LSAMP: variants seen among roughly 807,000 people sequenced by gnomAD.
LSAMP encodes the protein limbic system-associated membrane protein.
LSAMP carries 7 observed loss-of-function variants against 38.6 expected under a neutral mutation model. The ratio of observed to expected loss-of-function variants is 0.18; its 90% CI spans 0.10 to 0.34. The LOEUF (loss-of-function observed/expected upper bound fraction) is 0.34. LSAMP is among the 10% of genes least tolerant of loss of function. LSAMP has a pLI of 1.00. For missense variants in LSAMP, 313 were observed against 420.0 expected (o/e 0.75, Z 2.23); for synonymous variants, 154 against 166.8 (o/e 0.92, Z 0.59).
intron 1 of LSAMP, among the ~76,000 whole-genome samples, chr3:116,271,369 T>C (rs1010823984): frequency 2.6e-5 from 4 of 152,092 alleles, no homozygotes; most frequent in Admixed American, 2.6e-4. Flanking sequence ...CCTCAGCAAA[T>C]TGTATTTTAT....
chr3:116,414,123 T>G (rs1167977352), intron 1 of LSAMP, among the ~76,000 whole-genome samples: 2 of 152,096 alleles, frequency 1.3e-5, no homozygotes, highest in Non-Finnish European at 1.5e-5. Context: ...TTGTACACTG[T>G]CAGATCATTA....
At chr3:116,201,375 T>A (rs896842482) in intron 1 of LSAMP, among the ~76,000 whole-genome samples, 4 of 152,184 alleles carry the variant, frequency 2.6e-5, no homozygotes, top group African/African-American at 9.6e-5. Context: ...AGGGACAGTG[T>A]CTTAGTCACC....
intron 3 of LSAMP, among the ~76,000 whole-genome samples, chr3:115,980,787 C>G (rs1443138580): frequency 1.3e-5 from 2 of 152,184 alleles, no homozygotes; most frequent in Admixed American, 1.3e-4. Flanking sequence ...ATCTCCTAAT[C>G]TAGTCATCTC....
chr3:116,244,232 C>T (rs1254009498), intron 1 of LSAMP, among the ~76,000 whole-genome samples: 2 of 152,166 alleles, frequency 1.3e-5, no homozygotes, highest in East Asian at 1.9e-4. Context: ...TCAACTTCTC[C>T]AGCAATTGGT....
chr3:116,072,071 G>A (rs1319746986), intron 2 of LSAMP, among the ~76,000 whole-genome samples: 1 of 151,186 alleles, frequency 6.6e-6, no homozygotes. Flanking sequence ...TGCCTCCCGG[G>A]TTCATGCCAT....
intron 1 of LSAMP, among the ~76,000 whole-genome samples, chr3:116,321,951 T>G (rs1408962177): frequency 6.6e-6 from 1 of 152,178 alleles, no homozygotes; most frequent in Admixed American, 6.5e-5. Context: ...ATTTCATATG[T>G]GAAATAATAA....
chr3:116,419,956 A>G (rs896834346), intron 1 of LSAMP, among the ~76,000 whole-genome samples: 1 of 152,254 alleles, frequency 6.6e-6, no homozygotes, highest in Non-Finnish European at 1.5e-5. Context: ...TTTTGTTCCT[A>G]TAACATCTAA....
chr3:116,109,875 T>A (rs1289758220), intron 1 of LSAMP, among the ~76,000 whole-genome samples: 2 of 133,512 alleles, frequency 1.5e-5, no homozygotes, highest in African/African-American at 5.7e-5. Flanking sequence ...GGAAGGGGGG[T>A]CGGGGCATGG....
At chr3:116,026,492 C>A (rs1246599184) in intron 2 of LSAMP, among the ~76,000 whole-genome samples, 1 of 152,132 alleles carries the variant, frequency 6.6e-6, no homozygotes, top group African/African-American at 2.4e-5. Flanking sequence ...AGAATCCATG[C>A]CTCTTTCTTC....
intron 2 of LSAMP, among the ~76,000 whole-genome samples, chr3:116,055,632 G>A (rs1941477546): frequency 6.6e-6 from 1 of 152,122 alleles, no homozygotes; most frequent in Non-Finnish European, 1.5e-5. Context: ...AGGCTCTTTG[G>A]AACTCATTGC....
intron 1 of LSAMP, among the ~76,000 whole-genome samples, chr3:116,372,441 T>G (rs936130282): frequency 6.6e-6 from 1 of 151,870 alleles, no homozygotes; most frequent in Non-Finnish European, 1.5e-5. Context: ...GACCTAAATG[T>G]GAGATGTGAA....
chr3:116,179,344 C>T (rs1025067315), intron 1 of LSAMP, among the ~76,000 whole-genome samples: 6 of 152,044 alleles, frequency 3.9e-5, no homozygotes, highest in Admixed American at 3.9e-4. Flanking sequence ...CTCAAGCACT[C>T]CCCATTGGAG....
intron 1 of LSAMP, among the ~76,000 whole-genome samples, chr3:116,305,781 GA>G (rs1332717779): frequency 1.3e-5 from 2 of 151,278 alleles, no homozygotes; most frequent in African/African-American, 2.4e-5. Flanking sequence ...GAAGATAATA[GA>G]AAAAAAAGGA....
intron 1 of LSAMP, among the ~76,000 whole-genome samples, chr3:116,319,430 C>T (rs1167811014): frequency 6.6e-6 from 1 of 152,142 alleles, no homozygotes; most frequent in Non-Finnish European, 1.5e-5. Flanking sequence ...AAATCAGCAC[C>T]ATCAGCATTC....
intron 4 of LSAMP, among the ~76,000 whole-genome samples, chr3:115,847,622 G>C (rs377217713): frequency 7.2e-5 from 11 of 152,162 alleles, no homozygotes; most frequent in East Asian, 1.9e-4. Flanking sequence ...TGCTGTTCTC[G>C]TGATAGTGAA....
At chr3:116,109,059 G>A (rs1708536395) in intron 1 of LSAMP, among the ~76,000 whole-genome samples, 1 of 152,162 alleles carries the variant, frequency 6.6e-6, no homozygotes, top group Admixed American at 6.5e-5. Context: ...ACCTTTTAGG[G>A]TCTAGGGCTG....
intron 1 of LSAMP, among the ~76,000 whole-genome samples, chr3:116,327,388 A>G (rs1184583837): frequency 6.6e-6 from 1 of 152,006 alleles, no homozygotes; most frequent in African/African-American, 2.4e-5. Flanking sequence ...CTTATTCTCT[A>G]TGTACGGAAT....
At position 116,059,367 on chromosome 3, in the gene LSAMP, G is replaced by A. The variant is rs774185818; in HGVS notation, c.388+26957C>T. Among the ~76,000 whole-genome samples the A allele has an allele frequency of 6.6e-4, 100 of 152,136 alleles. 1 individual carries two copies. The highest frequency in any genetic ancestry group is 1.6e-4 in the Non-Finnish European group (11 of 68,028). On this transcript the variant is annotated intron_variant, in intron 2 of 6. Transcript: ENST00000490035. ...AGAAAATATAATCAGGAGAAGATGT[G>A]TTCCTTTAGCTCTGCTTCTTTTGGA...
chr3:116,281,914 C>T (rs2047131947), intron 1 of LSAMP, among the ~76,000 whole-genome samples: 1 of 152,178 alleles, frequency 6.6e-6, no homozygotes, highest in Non-Finnish European at 1.5e-5. Context: ...TGAAAACATC[C>T]ATCTTCACAT....
Sources: allele counts gnomAD v4.1 joint callset (sites outside exome capture counted in the v4.1 genomes callset), GRCh38; gene constraint gnomAD v4.1.1; transcripts MANE v1.5; gene names NCBI Gene and HGNC (gene_info 2026-07-23, HGNC 2026-07-21).